CELA3B: variants seen among roughly 807,000 people sequenced by gnomAD.
CELA3B encodes chymotrypsin-like elastase family member 3B.
A neutral mutation model predicts 37.2 loss-of-function variants in CELA3B; 34 were observed. The ratio of observed to expected loss-of-function variants is 0.91; its 90% CI spans 0.70 to 1.22. CELA3B has a LOEUF of 1.22. Ranked by LOEUF, CELA3B falls within the 50% of genes most tolerant of loss-of-function variation. The probability of loss-of-function intolerance (pLI) is 0.00; values close to 1 mark genes in which losing one functional copy is unlikely to be tolerated. For synonymous variants in CELA3B, 127 were observed against 143.5 expected (o/e 0.89, Z 0.82); for missense variants, 340 against 363.1 (o/e 0.94, Z 0.52).
At chr1:21,989,782 A>G (rs1644862410), downstream of CELA3B, among the ~76,000 whole-genome samples, 1 of 150,820 alleles carries the variant, frequency 6.6e-6, no homozygotes, top group Non-Finnish European at 1.5e-5. Context: ...TTATTCATTC[A>G]TTCAACAAAC....
At chr1:21,982,603 A>AG (rs898179101) in intron 4 of CELA3B, among the ~76,000 whole-genome samples, 8 of 151,304 alleles carry the variant, frequency 5.3e-5, no homozygotes, top group Non-Finnish European at 1.2e-4. Flanking sequence ...TCTCAAAAAA[A>AG]AAGTGAATTA....
intron 7 of CELA3B, 189 bp downstream of exon 7, chr1:21,986,872 G>T: frequency 3.0e-6 from 2 of 657,292 alleles, no homozygotes; most frequent in Non-Finnish European, 5.3e-6. Flanking sequence ...GAACTTGATG[G>T]CTTCTGGGTG....
intron 2 of CELA3B, 64 bp downstream of exon 2, chr1:21,978,518 C>G: frequency 6.3e-7 from 1 of 1,576,016 alleles, no homozygotes; most frequent in Admixed American, 1.7e-5. Flanking sequence ...TCTAATGGCG[C>G]GGCATCCAGC....
intron 4 of CELA3B, among the ~76,000 whole-genome samples, chr1:21,982,969 A>C (rs1644813915): frequency 6.6e-6 from 1 of 152,186 alleles, no homozygotes; most frequent in Non-Finnish European, 1.5e-5. Context: ...ATACAGCTGA[A>C]CTGGGAGGGT....
At chr1:21,998,110 A>G in intron 4 of CELA3B, 1 of 469,494 alleles carries the variant, frequency 2.1e-6, no homozygotes, top group Non-Finnish European at 4.4e-6. Flanking sequence ...AGGTATTTTA[A>G]AGTTCCAACA....
chr1:21,991,998 T>G (rs1644870892), downstream of CELA3B, among the ~76,000 whole-genome samples: 2 of 150,908 alleles, frequency 1.3e-5, 1 homozygote, highest in Admixed American at 1.3e-4. Flanking sequence ...TGGGTGCCTG[T>G]AATCCCAGCT....
intron 4 of CELA3B, among the ~76,000 whole-genome samples, chr1:21,997,603 C>T (rs112610701): frequency 0.1 from 15,565 of 149,918 alleles, 2,727 homozygotes; most frequent in African/African-American, 0.33. Flanking sequence ...GCAGAAGAAT[C>T]ACTTGAACCC....
intron 6 of CELA3B, among the ~76,000 whole-genome samples, chr1:21,985,752 A>T (rs926994669): frequency 4.6e-5 from 7 of 152,040 alleles, no homozygotes; most frequent in Admixed American, 1.3e-4. Context: ...TTAGCCTGGC[A>T]TGGTGGTGGG....
chr1:21,986,827 G>T (rs1644841441), intron 7 of CELA3B, 144 bp downstream of exon 7: 2 of 942,872 alleles, frequency 2.1e-6, no homozygotes, highest in Non-Finnish European at 1.6e-6. Flanking sequence ...TTCCAGAAAG[G>T]CTTGGGGATG....
chr1:21,984,108 T>C lies in CELA3B; in HGVS notation c.500-81T>C, dbSNP rs563039277. 5 of 1,511,440 alleles carry C rather than the reference T, an allele frequency of 3.3e-6. No homozygotes were observed. The African/African-American group carries it at 6.9e-5, about 21-fold the overall frequency. 93.6% of individuals were successfully genotyped at this position (1,511,440 alleles called of 1,614,324 possible). On this transcript the variant is annotated intron_variant, in intron 5 of 7. Coordinates refer to ENST00000337107, the MANE Select transcript of CELA3B (RefSeq NM_007352.4). ...AGTCCTCATCAGAGCAGAAGAACTGTGCGCCTTGGATGCCCCCTTCCTCTG... is the reference window on the plus strand; with the variant it reads ...AGTCCTCATCAGAGCAGAAGAACTGCGCGCCTTGGATGCCCCCTTCCTCTG...
In CELA3B at chr1:21,980,853, C is replaced by A. The variant is rs1302953644; in HGVS notation, c.159C>A (p.Ser53Arg). Residue 53 changes from serine to arginine, a missense_variant, in exon 3 of 8, where the codon AGC becomes AGA. By Grantham distance (110) the Ser-to-Arg change is moderately radical. Coordinates refer to ENST00000337107, the MANE Select transcript of CELA3B (RefSeq NM_007352.4). ...CCCTGCAGTATGAGAAAAGCGGAAG[C>A]TTCTACCACACCTGTGGCGGTAGCC... ...QVSLQYEKSG[S>R]FYHTCGGSLI... 19 of 1,607,138 alleles carry A rather than the reference C, an allele frequency of 1.2e-5. No homozygotes were observed. Among genetic ancestry groups the A allele is most frequent in the Non-Finnish European group, 1.6e-5 (19 of 1,176,074 alleles).
At chr1:21,980,979 T>C (rs1350785094) in intron 3 of CELA3B, 58 bp downstream of exon 3, 4 of 1,613,882 alleles carry the variant, frequency 2.5e-6, no homozygotes, top group African/African-American at 1.3e-5. Flanking sequence ...GGGTGGGTGA[T>C]GATGGGGAAG....
chr1:21,984,304 T>G lies in CELA3B; in HGVS notation c.615T>G (p.Ala205=). Residue 205 remains alanine, a synonymous_variant, in exon 6 of 8, where the codon GCT becomes GCG. Transcript: ENST00000337107. The stretch of plus-strand genomic sequence containing the variant: ...CCGTGAAGAAGACCATGGTGTGTGC[T>G]GGAGGGGACATCCGCTCCGGCTGCA... The part of the protein sequence containing the change: ...GSSVKKTMVC[A]GGDIRSGCNG... 1.2e-6 allele frequency: 2 copies of G among 1,614,052 alleles called. No homozygotes were observed. Among genetic ancestry groups the G allele is most frequent in the Non-Finnish European group, 1.7e-6 (2 of 1,179,994 alleles).
chr1:21,977,030 C>T lies in CELA3B; in HGVS notation c.-10C>T, dbSNP rs1278165550. ...AGGTTCTGTGCCCTTTTCCTATCATCGCAAAACTCATGATGCTCCGGCTGC... is the reference window on the plus strand; with the variant it reads ...AGGTTCTGTGCCCTTTTCCTATCATTGCAAAACTCATGATGCTCCGGCTGC... On this transcript the variant is annotated 5_prime_UTR_variant, in exon 1 of 8. Transcript: ENST00000337107. 5.0e-6 allele frequency: 8 copies of T among 1,614,044 alleles called. No homozygotes were observed. Among genetic ancestry groups the T allele is most frequent in the South Asian group, 3.3e-5 (3 of 91,076 alleles).
chr1:21,989,634 C>A (rs1644860765), downstream of CELA3B, among the ~76,000 whole-genome samples: 3 of 150,032 alleles, frequency 2.0e-5, no homozygotes, highest in Admixed American at 2.0e-4. Context: ...GCACATAAGT[C>A]AGTAGCTTTT....
At chr1:21,986,136 C>T (rs557653295) in intron 6 of CELA3B, among the ~76,000 whole-genome samples, 87 of 150,756 alleles carry the variant, frequency 5.8e-4, no homozygotes, top group African/African-American at 1.9e-3. Flanking sequence ...TGGGAGGCCC[C>T]GGCAGGTGGA....
At chr1:21,984,386 G>A (rs1355077875) in intron 6 of CELA3B, 55 bp downstream of exon 6, 1 of 1,576,790 alleles carries the variant, frequency 6.3e-7, no homozygotes, top group Non-Finnish European at 8.6e-7. Flanking sequence ...ACCTTGGAAT[G>A]GGGCCAACTG....
chr1:21,981,396 C>T (rs1056888001), intron 4 of CELA3B, among the ~76,000 whole-genome samples: 1 of 150,986 alleles, frequency 6.6e-6, no homozygotes, highest in African/African-American at 2.4e-5. Context: ...TGGCAGTGTT[C>T]AGGGAGGGGC....
At chr1:21,992,255 T>C (rs1405421789), downstream of CELA3B, among the ~76,000 whole-genome samples, 3 of 151,666 alleles carry the variant, frequency 2.0e-5, no homozygotes, top group Admixed American at 1.3e-4. Context: ...CTGCTGGGCA[T>C]GGTGGCATGT....
Sources: gnomAD v4.1 joint callset for allele counts (sites outside exome capture counted in the v4.1 genomes callset) on GRCh38, gnomAD v4.1.1 for gene constraint, MANE v1.5 for transcripts, NCBI Gene and HGNC (gene_info 2026-07-23, HGNC 2026-07-21) for gene names.